SOS1: variants seen among roughly 807,000 people sequenced by gnomAD.
The protein encoded by SOS1 is son of sevenless homolog 1.
SOS1 carries 25 observed loss-of-function variants against 157.6 expected under a neutral mutation model. The observed-to-expected ratio is 0.16, with a 90% CI of 0.12 to 0.22. The LOEUF is 0.22. Among genes scored for constraint, SOS1 ranks in the 10% least tolerant of loss-of-function variants. SOS1 has a pLI of 1.00. For missense variants in SOS1, 1,237 were observed against 1,599.1 expected (o/e 0.77, Z 3.86); for synonymous variants, 528 against 534.0 (o/e 0.99, Z 0.16).
At chr2:39,048,060 ATTAATT>A (rs1286514382) in intron 6 of SOS1, among the ~76,000 whole-genome samples, 1 of 152,124 alleles carries the variant, frequency 6.6e-6, no homozygotes, top group Non-Finnish European at 1.5e-5. Flanking sequence ...TTTTCATTCT[ATTAATT>A]TTGTCTTTTG....
At chr2:38,989,475 GAAA>G (rs1233087370) in intron 20 of SOS1, among the ~76,000 whole-genome samples, 161 bp from the exon 21 acceptor site, 1 of 151,778 alleles carries the variant, frequency 6.6e-6, no homozygotes, top group Non-Finnish European at 1.5e-5. Flanking sequence ...CTTTTGAGAA[GAAA>G]AAAATGATAT....
chr2:39,070,474 T>C (rs1671758140), intron 1 of SOS1, among the ~76,000 whole-genome samples: 1 of 152,208 alleles, frequency 6.6e-6, no homozygotes, highest in Admixed American at 6.5e-5. Context: ...TCTTGTATGT[T>C]CACTCCCTTC....
chr2:39,103,883 G>C (rs1164874940), intron 1 of SOS1, among the ~76,000 whole-genome samples: 1 of 152,196 alleles, frequency 6.6e-6, no homozygotes, highest in Non-Finnish European at 1.5e-5. Context: ...TTAAATGAGA[G>C]AAAATATTTG....
At chr2:39,018,782 T>C (rs2124528118) in intron 10 of SOS1, among the ~76,000 whole-genome samples, 1 of 151,914 alleles carries the variant, frequency 6.6e-6, no homozygotes, top group African/African-American at 2.4e-5. Context: ...TGTCTGTTCA[T>C]GTGATAATTC....
chr2:38,995,397 T>C lies in SOS1; in HGVS notation c.3082-10A>G. On this transcript the variant is annotated splice_polypyrimidine_tract_variant and intron_variant, in intron 19 of 22. Coordinates refer to ENST00000402219, the MANE Select transcript of SOS1 (RefSeq NM_005633.4). Reference sequence around the variant, plus strand: ...AGCTATATTTTTTTGGCTGTAGACATATCAAAAGAAACACAATACTTTAAA... The same window carrying C: ...AGCTATATTTTTTTGGCTGTAGACACATCAAAAGAAACACAATACTTTAAA... 1 of 1,610,828 alleles carries C rather than the reference T, an allele frequency of 6.2e-7. No individual in the cohort carries two copies. The highest frequency in any genetic ancestry group is 8.5e-7 in the Non-Finnish European group (1 of 1,177,380).
chr2:39,107,663 GA>G (rs11464462), intron 1 of SOS1, among the ~76,000 whole-genome samples: 8,674 of 96,420 alleles, frequency 0.09, 232 homozygotes, highest in Middle Eastern at 0.12. Context: ...ACACTAAAAA[GA>G]AAAAAAAAAA....
intron 1 of SOS1, 47 bp downstream of exon 1, chr2:39,120,289 G>T: frequency 6.6e-7 from 1 of 1,514,550 alleles, no homozygotes; most frequent in Non-Finnish European, 8.9e-7. Flanking sequence ...CCCAGCGCCC[G>T]CGCTGGGGGG....
At chr2:39,042,331 C>G (rs1670599632) in intron 6 of SOS1, among the ~76,000 whole-genome samples, 5 of 152,132 alleles carry the variant, frequency 3.3e-5, no homozygotes, top group Admixed American at 1.3e-4. Flanking sequence ...AGTACTGAGT[C>G]TTTCCATCCC....
At chr2:39,118,417 T>C (rs1319302483) in intron 1 of SOS1, among the ~76,000 whole-genome samples, 1 of 152,248 alleles carries the variant, frequency 6.6e-6, no homozygotes, top group Non-Finnish European at 1.5e-5. Context: ...AAACATACTG[T>C]ATTTTCAATC....
In SOS1 at chr2:38,986,101, C is replaced by G. The variant is rs1229459993; in HGVS notation, c.3725G>C (p.Ser1242Thr). 1 of 1,613,622 alleles carries G rather than the reference C, an allele frequency of 6.2e-7. No homozygotes were observed. The highest frequency in any genetic ancestry group is 8.5e-7 in the Non-Finnish European group (1 of 1,179,836). The change falls in exon 23 of 23, where the codon AGT becomes ACT. Residue 1242 changes from serine (S) to threonine (T), a missense_variant. Physicochemically the swap from Ser to Thr is moderately conservative, Grantham distance 58. Coordinates refer to ENST00000402219, the MANE Select transcript of SOS1 (RefSeq NM_005633.4). ...TGGGAAGAAGGCATTGCCATGGTCA[C>G]TTTTTTTGCCCAAAGGGGGAGGTTG... is the stretch of plus-strand genomic sequence containing the variant. ...HLQPPPLGKK[S>T]DHGNAFFPNS...
intron 21 of SOS1, 178 bp from the exon 22 acceptor site, chr2:38,987,769 G>T: frequency 1.7e-6 from 1 of 574,256 alleles, no homozygotes; most frequent in Non-Finnish European, 3.1e-6. Flanking sequence ...ATAAAAGCAT[G>T]CAGACATTTT....
intron 15 of SOS1, among the ~76,000 whole-genome samples, chr2:39,009,704 T>C (rs545861070): frequency 1.2e-3 from 177 of 152,270 alleles, no homozygotes; most frequent in Non-Finnish European, 2.1e-3. Context: ...TTGATTTGCA[T>C]CATTAATAAG....
chr2:39,122,627 T>G (rs565668296), upstream of SOS1, among the ~76,000 whole-genome samples: 1 of 152,226 alleles, frequency 6.6e-6, no homozygotes, highest in Non-Finnish European at 1.5e-5. Flanking sequence ...ATATACATAC[T>G]TGGTTTACAT....
At chr2:39,042,138 G>C (rs1287510358) in intron 6 of SOS1, among the ~76,000 whole-genome samples, 1 of 152,014 alleles carries the variant, frequency 6.6e-6, no homozygotes, top group East Asian at 1.9e-4. Context: ...CTTAATATGT[G>C]GCAAGACTTT....
chr2:39,097,326 T>C (rs951759900), intron 1 of SOS1, among the ~76,000 whole-genome samples: 2 of 152,178 alleles, frequency 1.3e-5, no homozygotes, highest in Non-Finnish European at 2.9e-5. Context: ...TATCAGCATA[T>C]AGCTAATTCT....
intron 6 of SOS1, among the ~76,000 whole-genome samples, chr2:39,049,317 T>C (rs527696337): frequency 7.2e-5 from 11 of 152,188 alleles, no homozygotes; most frequent in Non-Finnish European, 1.5e-4. Context: ...TTACTAATTT[T>C]ATCCTTGAAC....
At chr2:38,990,842 A>G (rs1668710994) in intron 20 of SOS1, among the ~76,000 whole-genome samples, 1 of 152,242 alleles carries the variant, frequency 6.6e-6, no homozygotes, top group African/African-American at 2.4e-5. Context: ...GGAAAATACT[A>G]TAGAAATTCT....
At chr2:39,057,293 T>G (rs1468648850) in intron 3 of SOS1, among the ~76,000 whole-genome samples, 1 of 152,144 alleles carries the variant, frequency 6.6e-6, no homozygotes, top group Non-Finnish European at 1.5e-5. Flanking sequence ...TACTTTTAAC[T>G]TTTCCAAGGG....
intron 1 of SOS1, among the ~76,000 whole-genome samples, chr2:39,103,002 T>C (rs1673029936): frequency 6.6e-6 from 1 of 152,116 alleles, no homozygotes; most frequent in Non-Finnish European, 1.5e-5. Flanking sequence ...TGTGTTTCTA[T>C]GCATATGCAA....
Sources: gnomAD v4.1 joint callset for allele counts (sites outside exome capture counted in the v4.1 genomes callset) on GRCh38, gnomAD v4.1.1 for gene constraint, MANE v1.5 for transcripts, NCBI Gene and HGNC (gene_info 2026-07-23, HGNC 2026-07-21) for gene names.